The following PHACTR2 variants were observed in gnomAD, a reference collection of about 807,000 sequenced individuals.
PHACTR2 encodes chromosome 6 open reading frame 56.
Under a neutral mutation model 76.0 loss-of-function variants are expected in PHACTR2, and 30 were observed. The ratio of observed to expected loss-of-function variants is 0.39; its 90% CI spans 0.30 to 0.54. The LOEUF (loss-of-function observed/expected upper bound fraction) is 0.54, where lower values mean the gene tolerates loss of function less well. PHACTR2 is among the 20% of genes least tolerant of loss of function. The pLI is 0.61. For missense variants in PHACTR2, 696 were observed against 781.1 expected, an observed-to-expected ratio of 0.89 and a Z score of 1.30; for synonymous variants, 292 against 292.5, an observed-to-expected ratio of 1.00 and a Z score of 0.02.
Position 143,611,846 on chromosome 6 carries a change from C to T in PHACTR2, c.13+3524C>T, listed in dbSNP as rs1775980787. Among the ~76,000 whole-genome samples, 1 of 152,082 alleles carries T rather than the reference C, an allele frequency of 6.6e-6. No individual in the cohort carries two copies. The highest frequency in any genetic ancestry group is 2.4e-5 in the African/African-American group (1 of 41,428). ...GAACTGGAAATTTATGTGGGTGGTG[C>T]AATGGGCATGGGGTTGGGGGATGCA... is the stretch of plus-strand genomic sequence containing the variant. On this transcript the variant is annotated intron_variant, in intron 1 of 11. Coordinates refer to the PHACTR2 transcript ENST00000305766. The surrounding 1 kb of genome is among the most constrained non-coding windows in gnomAD (Gnocchi z 4.4).
In PHACTR2 at chr6:143,775,067, G is replaced by GA. The variant is rs1420984033; in HGVS notation, c.1589+856dup. Among the ~76,000 whole-genome samples, 2 of 152,168 alleles carry GA rather than the reference G, an allele frequency of 1.3e-5. No homozygotes were observed. The highest frequency in any genetic ancestry group is 6.5e-5 in the Admixed American group (1 of 15,278). On this transcript the variant is annotated intron_variant, in intron 8 of 12. Transcript: ENST00000440869. This position sits in a 1 kb window ranked among gnomAD's most constrained non-coding sequence, Gnocchi z 4.4. ...CCAGAGCAGGATTTGGAGGTGGGGG[G>GA]AAAATTGCTGTCCTTGCTTGGAAGT...
intron 1 of PHACTR2, among the ~76,000 whole-genome samples, chr6:143,691,441 T>G (rs1277181119): frequency 6.6e-6 from 1 of 152,188 alleles, no homozygotes; most frequent in East Asian, 1.9e-4. Flanking sequence ...GAGCAAATAT[T>G]CCTATTGTCA....
chr6:143,774,274 C>T lies in PHACTR2; in HGVS notation c.1589+59C>T. 7.2e-7 allele frequency: 1 copy of T among 1,388,060 alleles called. No individual in the cohort carries two copies. Among genetic ancestry groups the T allele is most frequent in the Non-Finnish European group, 1.0e-6 (1 of 986,286 alleles). 86.0% of individuals were successfully genotyped at this position (1,388,060 alleles called of 1,614,324 possible). A position where few individuals can be genotyped will look rare whatever the true frequency, so the allele number is the denominator to read the frequency against. ...ATTTGTATTTTTCTCCCTCCCAAAG[C>T]TTCCTACCTAACTGGGGTCATTGTG... is the stretch of plus-strand genomic sequence containing the variant. On this transcript the variant is annotated intron_variant, in intron 8 of 12. Coordinates refer to ENST00000440869, the MANE Select transcript of PHACTR2 (RefSeq NM_001100164.2). This position sits in a 1 kb window ranked among gnomAD's most constrained non-coding sequence, Gnocchi z 5.4.
intron 1 of PHACTR2, among the ~76,000 whole-genome samples, chr6:143,642,536 G>A (rs1270958680): frequency 1.3e-5 from 2 of 152,180 alleles, no homozygotes; most frequent in African/African-American, 2.4e-5. Context: ...AGCCTTGCAT[G>A]TTGAAGTCCT....
rs964777310 is a variant in PHACTR2, at chr6:143,809,401, A to G, written c.1922+2268A>G. Among the ~76,000 whole-genome samples, 2 of 151,866 alleles carry G rather than the reference A, an allele frequency of 1.3e-5. No individual in the cohort carries two copies. Among genetic ancestry groups the G allele is most frequent in the Non-Finnish European group, 2.9e-5 (2 of 67,978 alleles). ...TTTGTTTGTTTTTTTAGTAGAGATGAGGTCTTGCTATGTTGCCCAGGCTGG... is the reference window on the plus strand; with the variant it reads ...TTTGTTTGTTTTTTTAGTAGAGATGGGGTCTTGCTATGTTGCCCAGGCTGG... On this transcript the variant is annotated intron_variant, in intron 12 of 12. Coordinates refer to ENST00000440869, the MANE Select transcript of PHACTR2 (RefSeq NM_001100164.2). This position sits in a 1 kb window ranked among gnomAD's most constrained non-coding sequence, Gnocchi z 4.2.
chr6:143,725,346 G>A (rs1329649774), intron 2 of PHACTR2, among the ~76,000 whole-genome samples: 6 of 150,062 alleles, frequency 4.0e-5, no homozygotes, highest in Middle Eastern at 3.4e-3. Flanking sequence ...GACTACAGGC[G>A]CCCGCCACCA....
rs1203455053 is a variant in PHACTR2, at chr6:143,767,920, C to T, written c.1232+2122C>T. Among the ~76,000 whole-genome samples, 1 of 152,162 alleles carries T rather than the reference C, an allele frequency of 6.6e-6. No homozygotes were observed. Among genetic ancestry groups the T allele is most frequent in the Non-Finnish European group, 1.5e-5 (1 of 68,028 alleles). ...TGGCATGATCTCGGCTCACCTCAAC[C>T]TCTGCCTCCCAGGTTCAAGCAATTC... On this transcript the variant is annotated intron_variant, in intron 6 of 12. Transcript: ENST00000440869. This position sits in a 1 kb window ranked among gnomAD's most constrained non-coding sequence, Gnocchi z 4.4.
chr6:143,605,073 C>T (rs371292046), upstream of PHACTR2, among the ~76,000 whole-genome samples: 4 of 151,628 alleles, frequency 2.6e-5, no homozygotes. The surrounding 1 kb of genome is among the most constrained non-coding windows in gnomAD (Gnocchi z 5.0). Flanking sequence ...GTTGCCACCT[C>T]AGCCAGACAG....
Position 143,580,303 on chromosome 6 carries a change from G to A in PHACTR2, c.217+43096G>A, listed in dbSNP as rs1443634997. On this transcript the variant is annotated intron_variant, in intron 1 of 11. Coordinates refer to the PHACTR2 transcript ENST00000367584. This position sits in a 1 kb window ranked among gnomAD's most constrained non-coding sequence, Gnocchi z 4.2. ...AATCGAGACCATCTTGGCCAACACGGTGAAACCCCGTCTCTACTAAAAATA... is the reference window on the plus strand; with the variant it reads ...AATCGAGACCATCTTGGCCAACACGATGAAACCCCGTCTCTACTAAAAATA... Among the ~76,000 whole-genome samples the A allele has an allele frequency of 6.6e-6, 1 of 152,148 alleles. No individual in the cohort carries two copies. The highest frequency in any genetic ancestry group is 1.5e-5 in the Non-Finnish European group (1 of 68,026).
At chr6:143,704,942 C>T (rs1406060716) in intron 1 of PHACTR2, among the ~76,000 whole-genome samples, 1 of 151,584 alleles carries the variant, frequency 6.6e-6, no homozygotes, top group East Asian at 1.9e-4. Flanking sequence ...ATCCTCCTGC[C>T]TCAGCCTCCC....
intron 9 of PHACTR2, among the ~76,000 whole-genome samples, chr6:143,779,623 C>T (rs1049910908): frequency 9.0e-4 from 137 of 152,184 alleles, no homozygotes; most frequent in African/African-American, 2.9e-3. Context: ...GCTGGGATTA[C>T]GGGTGTAAGC....
intron 1 of PHACTR2, among the ~76,000 whole-genome samples, chr6:143,668,725 C>T (rs891180448): frequency 5.3e-5 from 8 of 152,094 alleles, no homozygotes; most frequent in Middle Eastern, 3.4e-3. Context: ...GGTAATATCC[C>T]CTTTATCATT....
At chr6:143,612,984 G>GT (rs1776002434) in intron 1 of PHACTR2, among the ~76,000 whole-genome samples, 1 of 152,162 alleles carries the variant, frequency 6.6e-6, no homozygotes, top group Admixed American at 6.5e-5. Context: ...ATATATTTTT[G>GT]TTTTTCTTTT....
intron 11 of PHACTR2, among the ~76,000 whole-genome samples, chr6:143,792,916 C>T (rs1393346470): frequency 6.6e-6 from 1 of 152,176 alleles, no homozygotes; most frequent in Non-Finnish European, 1.5e-5. Context: ...TAGTAACAGG[C>T]AAATCATAAG....
At position 143,742,364 on chromosome 6, in the gene PHACTR2, G is replaced by A. The variant is rs563054369; in HGVS notation, c.215-6621G>A. 6.6e-6 allele frequency among the ~76,000 whole-genome samples: 1 copy of A among 152,268 alleles called. No individual in the cohort carries two copies. Among genetic ancestry groups the A allele is most frequent in the South Asian group, 2.1e-4 (1 of 4,824 alleles). On this transcript the variant is annotated intron_variant, in intron 2 of 12. Coordinates refer to ENST00000440869, the MANE Select transcript of PHACTR2 (RefSeq NM_001100164.2). This position sits in a 1 kb window ranked among gnomAD's most constrained non-coding sequence, Gnocchi z 4.5. ...GTTGTTGTTGTGGTTGTTAACTTCAGTTCTCCTCTTGCGGAGGCAAGGTGG... is the reference window on the plus strand; with the variant it reads ...GTTGTTGTTGTGGTTGTTAACTTCAATTCTCCTCTTGCGGAGGCAAGGTGG...
rs1781186013 is a variant in PHACTR2, at chr6:143,543,038, C to T, written c.217+5831C>T. Among the ~76,000 whole-genome samples, 1 of 152,178 alleles carries T rather than the reference C, an allele frequency of 6.6e-6. No homozygotes were observed. The highest frequency in any genetic ancestry group is 2.4e-5 in the African/African-American group (1 of 41,430). ...GGTGAGCAGATGTGATTCTGTGATT[C>T]TGGAGTTAGACTGAAAGCAGAGAGG... On this transcript the variant is annotated intron_variant, in intron 1 of 11. Transcript: ENST00000367584. The surrounding 1 kb of genome is among the most constrained non-coding windows in gnomAD (Gnocchi z 4.7).
In PHACTR2 at chr6:143,829,784, G is replaced by T. The variant is rs540266665; in HGVS notation, c.*6095G>T. ...AAGTTTCTAAATTGTTTTTGGGGCC[G>T]AGTAACGCAGAGTCAATAAAGGTGG... On this transcript the variant is annotated 3_prime_UTR_variant, in exon 13 of 13. Transcript: ENST00000440869. 1 of 152,130 alleles carries T rather than the reference G, an allele frequency of 6.6e-6. No individual in the cohort carries two copies. The highest frequency in any genetic ancestry group is 2.4e-5 in the African/African-American group (1 of 41,428). 9.4% of individuals were successfully genotyped at this position (152,130 alleles called of 1,614,324 possible). A position where few individuals can be genotyped will look rare whatever the true frequency, so the allele number is the denominator to read the frequency against.
At position 143,578,587 on chromosome 6, in the gene PHACTR2, T is replaced by A. The variant is rs549252114; in HGVS notation, c.217+41380T>A. ...GGAGGAAAAGGACCTTTTAAAAAAA[T>A]TTGCTGTTGACTTGGATGCTGAGGG... is the stretch of plus-strand genomic sequence containing the variant. On this transcript the variant is annotated intron_variant, in intron 1 of 11. Transcript: ENST00000367584. This position sits in a 1 kb window ranked among gnomAD's most constrained non-coding sequence, Gnocchi z 4.5. 2.8e-4 allele frequency among the ~76,000 whole-genome samples: 43 copies of A among 151,678 alleles called. 1 individual carries two copies. The highest frequency in any genetic ancestry group is 3.4e-3 in the Middle Eastern group (1 of 294).
chr6:143,569,900 A>G (rs1775426420), intron 1 of PHACTR2, among the ~76,000 whole-genome samples: 1 of 152,240 alleles, frequency 6.6e-6, no homozygotes. Flanking sequence ...GCTGCGTGTG[A>G]TAAGTTATAT....
Sources: gnomAD v4.1 joint callset for allele counts (sites outside exome capture counted in the v4.1 genomes callset) on GRCh38, gnomAD v4.1.1 for gene constraint, Gnocchi (gnomAD v3.1) non-coding constraint, MANE v1.5 for transcripts, NCBI Gene and HGNC (gene_info 2026-07-23, HGNC 2026-07-21) for gene names.